ATN1: variants seen among roughly 807,000 people sequenced by gnomAD.
ATN1 encodes the protein atrophin 1.
In ATN1, 19 loss-of-function variants were observed where a neutral mutation model predicts 85.8. The ratio of observed to expected loss-of-function variants is 0.22; its 90% confidence interval spans 0.15 to 0.32. ATN1 has a LOEUF of 0.32. Ranked by LOEUF, ATN1 falls within the 10% of genes least tolerant of loss-of-function variation. The pLI is 1.00. For synonymous variants in ATN1, 674 were observed against 657.0 expected (o/e 1.03, Z -0.39); for missense variants, 1,453 against 1,564.5 (o/e 0.93, Z 1.20).
rs782314976 is a variant in ATN1, at chr12:6,930,386, T to G, written c.-163+2002T>G. Among the ~76,000 whole-genome samples the G allele has an allele frequency of 6.6e-5, 10 of 152,332 alleles. No individual in the cohort carries two copies. The East Asian group carries it at 1.4e-3, about 21-fold the overall frequency. ...CAGAGAGCTTGTGACTCCACTGTAT[T>G]CCTTCTGACATCCCATATTTCTCTC... On this transcript the variant is annotated intron_variant, in intron 1 of 9. Transcript: ENST00000396684.
At chr12:6,932,461 A>G (rs1555143148) in intron 1 of ATN1, among the ~76,000 whole-genome samples, 1 of 152,222 alleles carries the variant, frequency 6.6e-6, no homozygotes, top group East Asian at 1.9e-4. Context: ...CTCTCAAAAG[A>G]TCTTACAATC....
Position 6,936,226 on chromosome 12 carries a change from T to C in ATN1, c.959T>C (p.Leu320Pro). 6.2e-7 allele frequency: 1 copy of C among 1,603,032 alleles called. No individual in the cohort carries two copies. The highest frequency in any genetic ancestry group is 2.2e-5 in the East Asian group (1 of 44,734). ...AATGCATCAGCCTCTCCCCCTGGCC[T>C]GGGGGCCCAACCACTACCTGGTCAT... ...LNNASASPPG[L>P]GAQPLPGHLP... Residue 320 changes from leucine (L) to proline (P), a missense_variant, in exon 5 of 10, where the codon CTG becomes CCG. Around this residue, in one of 6 missense-constraint regions of ATN1, gnomAD observed 990 missense variants for 914.8 expected, o/e 1.08. Transcript: ENST00000396684.
In ATN1 at chr12:6,942,025, C is replaced by T. The variant is rs1945643288; in HGVS notation, c.*245C>T. 1 of 563,184 alleles carries T rather than the reference C, an allele frequency of 1.8e-6. No homozygotes were observed. Among genetic ancestry groups the T allele is most frequent in the Non-Finnish European group, 3.2e-6 (1 of 314,262 alleles). The allele number at this position is 563,184 out of a possible 1,614,324, so 34.9% of individuals were successfully genotyped here. A position where few individuals can be genotyped will look rare whatever the true frequency, so the allele number is the denominator to read the frequency against. ...AAGCGCACAGAATCTTGGACCAGGTCTCTCTTCCTTGTCCCCCCTGCTTTT... is the reference window on the plus strand; with the variant it reads ...AAGCGCACAGAATCTTGGACCAGGTTTCTCTTCCTTGTCCCCCCTGCTTTT... On this transcript the variant is annotated 3_prime_UTR_variant, in exon 10 of 10. Coordinates refer to ENST00000396684, the MANE Select transcript of ATN1 (RefSeq NM_001940.4).
At position 6,935,829 on chromosome 12, in the gene ATN1, T is replaced by C. The variant is rs782309041; in HGVS notation, c.562T>C (p.Ser188Pro). Reference sequence around the variant, plus strand: ...AGAGGCTAGCTTTGAACCCCATCCTTCTGTGACACCCACTGGATATCATGC... The same window carrying C: ...AGAGGCTAGCTTTGAACCCCATCCTCCTGTGACACCCACTGGATATCATGC... ...QPEASFEPHP[S>P]VTPTGYHAPM... The change falls in exon 5 of 10, where the codon TCT (serine) becomes CCT (proline). Residue 188 changes from serine (S) to proline (P), a missense_variant. Physicochemically the swap from Ser to Pro is moderately conservative, Grantham distance 74. This residue lies in a region of ATN1 where 990 missense variants were observed against 914.8 expected (regional missense o/e 1.08). Transcript: ENST00000396684. The surrounding 1 kb of genome is among the most constrained non-coding windows in gnomAD (Gnocchi z 5.3). The C allele has an allele frequency of 7.4e-6, 12 of 1,613,780 alleles. No homozygotes were observed. Among genetic ancestry groups the C allele is most frequent in the Admixed American group, 3.3e-5 (2 of 59,992 alleles).
chr12:6,928,814 G>A (rs1945429300), intron 1 of ATN1, among the ~76,000 whole-genome samples: 1 of 152,176 alleles, frequency 6.6e-6, no homozygotes, highest in Non-Finnish European at 1.5e-5. Context: ...AAGCCTCCAG[G>A]AAAAAGCTCC....
intron 1 of ATN1, among the ~76,000 whole-genome samples, chr12:6,930,578 G>A (rs1484517677): frequency 1.3e-5 from 2 of 152,046 alleles, no homozygotes; most frequent in African/African-American, 4.8e-5. Flanking sequence ...GGCGGATCAC[G>A]AGGTCAGGCG....
At chr12:6,925,002 G>A (rs1945383025), upstream of ATN1, among the ~76,000 whole-genome samples, 1 of 152,136 alleles carries the variant, frequency 6.6e-6, no homozygotes, top group Admixed American at 6.5e-5. Context: ...GGGCCTCCCA[G>A]GCCCTTCTCT....
Position 6,937,404 on chromosome 12 carries a change from G to T in ATN1, c.2137G>T (p.Ala713Ser), listed in dbSNP as rs1555143970. Reference protein sequence around the residue: ...SGLPSLPPPPAAPASGPPLSA... With the variant: ...SGLPSLPPPPSAPASGPPLSA... ...CCTGCCATCGCTGCCACCACCACCT[G>T]CGGCCCCTGCCTCAGGGCCGCCCCT... Residue 713 changes from alanine (A) to serine (S), a missense_variant, in exon 5 of 10, where the codon GCG (alanine) becomes TCG (serine). Coordinates refer to ENST00000396684, the MANE Select transcript of ATN1 (RefSeq NM_001940.4). This position sits in a 1 kb window ranked among gnomAD's most constrained non-coding sequence, Gnocchi z 6.0. The T allele has an allele frequency of 1.3e-6, 2 of 1,548,128 alleles. No homozygotes were observed. The highest frequency in any genetic ancestry group is 3.9e-5 in the Admixed American group (2 of 51,102).
chr12:6,936,039 A>C lies in ATN1; in HGVS notation c.772A>C (p.Thr258Pro), dbSNP rs782046159. The change falls in exon 5 of 10, where the codon ACT becomes CCT. Residue 258 changes from threonine to proline, a missense_variant. Transcript: ENST00000396684. ...GGGTAAGCAGCACCCCCCACCCACT[A>C]CTCCCATTTCAGTATCAAGCTCTGG... ...NGGKQHPPPT[T>P]PISVSSSGAS... The C allele has an allele frequency of 3.3e-5, 52 of 1,573,644 alleles. No homozygotes were observed. The African/African-American group carries it at 6.3e-4, about 19-fold the overall frequency.
At chr12:6,933,154 T>C (rs1211719188) in intron 1 of ATN1, among the ~76,000 whole-genome samples, 1 of 152,128 alleles carries the variant, frequency 6.6e-6, no homozygotes, top group East Asian at 1.9e-4. Flanking sequence ...AATGAAATCA[T>C]GTATGTGAAG....
rs1165017707 is a variant in ATN1 at position 6,940,874 on chromosome 12, C to T, written c.3215-6C>T. 4 of 1,614,068 alleles carry T rather than the reference C, an allele frequency of 2.5e-6. No individual in the cohort carries two copies. The African/African-American group carries it at 4.0e-5, about 16-fold the overall frequency. On this transcript the variant is annotated splice_region_variant and splice_polypyrimidine_tract_variant and intron_variant, in intron 7 of 9. Transcript: ENST00000396684. ...TGGTGACACCTTCCTCTTCTCTGCC[C>T]TCCAGCCTCTGCCTCGGTGCACCCT...
chr12:6,941,567 G>C lies in ATN1; in HGVS notation c.3539+13G>C. 1 of 1,612,396 alleles carries C rather than the reference G, an allele frequency of 6.2e-7. No individual in the cohort carries two copies. The highest frequency in any genetic ancestry group is 8.5e-7 in the Non-Finnish European group (1 of 1,179,620). ...AGGACTACTACAGGTACCCTAGGGT[G>C]CCCCAGCCCAGGGGACATGGGCTCA... On this transcript the variant is annotated intron_variant, in intron 9 of 9. Coordinates refer to ENST00000396684, the MANE Select transcript of ATN1 (RefSeq NM_001940.4). The surrounding 1 kb of genome is among the most constrained non-coding windows in gnomAD (Gnocchi z 5.9).
intron 7 of ATN1, 50 bp downstream of exon 7, chr12:6,939,227 A>G (rs782622330): frequency 2.6e-6 from 4 of 1,532,210 alleles, no homozygotes; most frequent in Admixed American, 1.9e-5. Context: ...CCTTCCCCCT[A>G]TCATGACTGG....
chr12:6,939,850 A>G (rs1945610553), intron 7 of ATN1, among the ~76,000 whole-genome samples: 1 of 151,696 alleles, frequency 6.6e-6, no homozygotes, highest in Admixed American at 6.6e-5. Flanking sequence ...ATTTTTTGCC[A>G]TTTTCTCCTC....
chr12:6,938,610 T>G lies in ATN1; in HGVS notation c.2647T>G (p.Leu883Val). Residue 883 changes from leucine (L) to valine (V), a missense_variant, in exon 7 of 10, where the codon TTG (leucine) becomes GTG (valine). By Grantham distance (32) the Leu-to-Val change is conservative. Around this residue, in one of 6 missense-constraint regions of ATN1, gnomAD observed 208 missense variants for 263.4 expected, o/e 0.79. Transcript: ENST00000396684. ...PPYLGPDTPALRTLSEYARPH... is the reference protein window; with the variant it reads ...PPYLGPDTPAVRTLSEYARPH... Reference sequence around the variant, plus strand: ...CTACCTGGGTCCTGACACTCCAGCCTTGCGCACTCTCAGTGAATATGCCCG... The same window carrying G: ...CTACCTGGGTCCTGACACTCCAGCCGTGCGCACTCTCAGTGAATATGCCCG... 6.2e-7 allele frequency: 1 copy of G among 1,614,216 alleles called. No individual in the cohort carries two copies. The highest frequency in any genetic ancestry group is 1.1e-5 in the South Asian group (1 of 91,090).
chr12:6,926,164 C>T (rs1413551938), upstream of ATN1, among the ~76,000 whole-genome samples: 1 of 152,126 alleles, frequency 6.6e-6, no homozygotes, highest in African/African-American at 2.4e-5. Flanking sequence ...TTGGGAGGAG[C>T]CTGCAGTCTG....
rs143104309 is a variant in ATN1, at chr12:6,936,659, C to T, written c.1392C>T (p.Pro464=). ...NSNAHPGPFP[P]STGAQSTAHP... is the part of the protein sequence containing the mutation. ...ATGCCCATCCAGGCCCCTTCCCTCC[C>T]TCTACTGGGGCCCAGTCCACCGCCC... Residue 464 remains proline (P), a synonymous_variant, in exon 5 of 10, where the codon CCC becomes CCT. Transcript: ENST00000396684. 445 of 1,613,764 alleles carry T rather than the reference C, an allele frequency of 2.8e-4. 1 individual carries two copies. The highest frequency in any genetic ancestry group is 3.6e-4 in the Non-Finnish European group (425 of 1,179,966).
upstream of ATN1, among the ~76,000 whole-genome samples, chr12:6,927,917 G>T (rs782152318): frequency 6.0e-5 from 9 of 151,082 alleles, no homozygotes; most frequent in East Asian, 7.8e-4. Flanking sequence ...GGGCTAGGAG[G>T]GGGGAGAGGG....
upstream of ATN1, among the ~76,000 whole-genome samples, chr12:6,925,361 C>T (rs1945389793): frequency 6.6e-6 from 1 of 152,070 alleles, no homozygotes; most frequent in African/African-American, 2.4e-5. Context: ...TTGGAAAGGG[C>T]TTGAGCCAAG....
Sources: gnomAD v4.1 joint callset for allele counts (sites outside exome capture counted in the v4.1 genomes callset) on GRCh38, gnomAD v4.1.1 for gene constraint, gnomAD v4.1.1 regional missense constraint, Gnocchi (gnomAD v3.1) non-coding constraint, MANE v1.5 for transcripts, NCBI Gene and HGNC (gene_info 2026-07-23, HGNC 2026-07-21) for gene names.